The following EPB41L2 variants were observed in gnomAD, a reference collection of about 807,000 sequenced individuals.
EPB41L2 encodes erythrocyte membrane protein band 4.1 like 2.
Under a neutral mutation model 113.0 loss-of-function variants are expected in EPB41L2, and 43 were observed. That is an observed-to-expected ratio of 0.38 (90% CI 0.30 to 0.49). The LOEUF is 0.49. Ranked by LOEUF, EPB41L2 falls within the 20% of genes least tolerant of loss-of-function variation. The pLI is 0.95. For missense variants in EPB41L2, 1,147 were observed against 1,223.4 expected, an observed-to-expected ratio of 0.94 and a Z score of 0.93; for synonymous variants, 442 against 436.7, an observed-to-expected ratio of 1.01 and a Z score of -0.15.
chr6:131,055,614 C>T (rs1262873782), intron 1 of EPB41L2, among the ~76,000 whole-genome samples: 1 of 152,126 alleles, frequency 6.6e-6, no homozygotes, highest in Non-Finnish European at 1.5e-5. Context: ...GTAATAACAT[C>T]GAACAATTAA....
chr6:131,036,646 T>G (rs1793374366), intron 1 of EPB41L2, among the ~76,000 whole-genome samples: 1 of 152,170 alleles, frequency 6.6e-6, no homozygotes, highest in African/African-American at 2.4e-5. Context: ...TCTCAATTCC[T>G]TCATAAAATA....
intron 4 of EPB41L2, among the ~76,000 whole-genome samples, chr6:130,925,482 C>A (rs1198761565): frequency 6.6e-6 from 1 of 152,146 alleles, no homozygotes; most frequent in Non-Finnish European, 1.5e-5. Context: ...AACCACCACG[C>A]TTAGCCCAGA....
chr6:130,939,257 CT>C (rs879441496), intron 3 of EPB41L2, among the ~76,000 whole-genome samples: 198 of 145,568 alleles, frequency 1.4e-3, no homozygotes, highest in Middle Eastern at 7.1e-3. Flanking sequence ...ACCCAAATAA[CT>C]TTTTTTTTTT....
intron 17 of EPB41L2, 82 bp downstream of exon 17, chr6:130,865,454 G>A (rs1223430944): frequency 1.0e-5 from 14 of 1,370,062 alleles, no homozygotes; most frequent in Non-Finnish European, 1.4e-5. Flanking sequence ...TTGGAAGTGT[G>A]TACAGGAAGA....
At chr6:130,998,042 T>C (rs1398647915) in intron 1 of EPB41L2, among the ~76,000 whole-genome samples, 16 of 152,204 alleles carry the variant, frequency 1.1e-4, no homozygotes, top group Admixed American at 1.0e-3. Flanking sequence ...GCAATAACAG[T>C]ATTATGATAA....
At chr6:131,039,041 T>A (rs1253263941) in intron 1 of EPB41L2, among the ~76,000 whole-genome samples, 1 of 152,168 alleles carries the variant, frequency 6.6e-6, no homozygotes, top group African/African-American at 2.4e-5. Context: ...AAGTATTATG[T>A]TATTCCATTA....
intron 1 of EPB41L2, among the ~76,000 whole-genome samples, chr6:131,060,307 GT>G: frequency 6.6e-6 from 1 of 152,352 alleles, no homozygotes; most frequent in East Asian, 1.9e-4. Flanking sequence ...ACCAGCCACA[GT>G]AATATGAGAG....
intron 1 of EPB41L2, among the ~76,000 whole-genome samples, chr6:131,006,871 C>T (rs1785689218): frequency 6.6e-6 from 1 of 152,042 alleles, no homozygotes; most frequent in Admixed American, 6.5e-5. Flanking sequence ...AATTCTCTAA[C>T]CCTGAGGATC....
chr6:131,040,914 C>A (rs1794333433), intron 1 of EPB41L2, among the ~76,000 whole-genome samples: 1 of 152,144 alleles, frequency 6.6e-6, no homozygotes, highest in Non-Finnish European at 1.5e-5. Flanking sequence ...ATTAAGCCAA[C>A]CAAGAAAAAC....
intron 1 of EPB41L2, among the ~76,000 whole-genome samples, chr6:131,061,132 T>C (rs1249175460): frequency 6.6e-6 from 1 of 152,188 alleles, no homozygotes; most frequent in Non-Finnish European, 1.5e-5. Flanking sequence ...TAAAGAACTG[T>C]TATGACTAAG....
At chr6:130,964,442 A>G (rs1489877371) in intron 1 of EPB41L2, among the ~76,000 whole-genome samples, 1 of 152,132 alleles carries the variant, frequency 6.6e-6, no homozygotes, top group Non-Finnish European at 1.5e-5. Flanking sequence ...TTAGCCATGT[A>G]ACCGCAGACA....
chr6:131,046,808 G>A (rs1795552700), intron 1 of EPB41L2, among the ~76,000 whole-genome samples: 1 of 152,162 alleles, frequency 6.6e-6, no homozygotes, highest in Non-Finnish European at 1.5e-5. Flanking sequence ...AGGAACATGA[G>A]TAGAATCTCA....
At chr6:130,903,598 A>G (rs1796893151) in intron 6 of EPB41L2, among the ~76,000 whole-genome samples, 1 of 152,132 alleles carries the variant, frequency 6.6e-6, no homozygotes, top group Non-Finnish European at 1.5e-5. Flanking sequence ...CTAGTTTTCT[A>G]AAAGTCATGC....
chr6:130,963,597 A>G (rs1173216222), intron 1 of EPB41L2, among the ~76,000 whole-genome samples: 2 of 152,192 alleles, frequency 1.3e-5, no homozygotes, highest in East Asian at 3.9e-4. Flanking sequence ...TCAAGGTAAC[A>G]ATCTTCTTTG....
At chr6:131,053,640 G>A (rs373402372) in intron 1 of EPB41L2, among the ~76,000 whole-genome samples, 9 of 152,236 alleles carry the variant, frequency 5.9e-5, no homozygotes, top group South Asian at 2.1e-4. Flanking sequence ...ACAGGCTTCA[G>A]ATGTACCTAA....
At chr6:130,867,991 C>A (rs961958181) in intron 15 of EPB41L2, 1 of 178,842 alleles carries the variant, frequency 5.6e-6, no homozygotes, top group African/African-American at 2.4e-5. Context: ...CTCTCTCTCT[C>A]TCTCTCTCCT....
chr6:130,972,937 C>CAAAAAA (rs57293132), intron 1 of EPB41L2, among the ~76,000 whole-genome samples: 4 of 59,514 alleles, frequency 6.7e-5, no homozygotes, highest in East Asian at 5.9e-4. Context: ...ACTAAAGATA[C>CAAAAAA]AAAAAAAAAA....
chr6:130,850,389 A>T lies in EPB41L2; in HGVS notation c.*5+7742T>A, dbSNP rs74797998. Among the ~76,000 whole-genome samples, 3,465 of 152,286 alleles carry T rather than the reference A, an allele frequency of 0.023. 223 individuals carry two copies. In the East Asian group the frequency reaches 0.26, roughly 12 times the overall value. ...TAATAATTGTGAAAACTGAGGGGTA[A>T]TTTAAATGCCCATTAATAGGGGTTA... On this transcript the variant is annotated intron_variant, in intron 19 of 19. Coordinates refer to ENST00000337057, the MANE Select transcript of EPB41L2 (RefSeq NM_001431.4).
chr6:130,885,075 T>C lies in EPB41L2; in HGVS notation c.1833+21A>G, dbSNP rs780966141. 43 of 1,613,436 alleles carry C rather than the reference T, an allele frequency of 2.7e-5. No individual in the cohort carries two copies. The Admixed American group carries it at 4.7e-4, about 18-fold the overall frequency. On this transcript the variant is annotated intron_variant, in intron 12 of 19. Coordinates refer to ENST00000337057, the MANE Select transcript of EPB41L2 (RefSeq NM_001431.4). ...GGTTAAGTAAATGTTTAAAACCACA[T>C]ACTGTGCTAATTTACCATACCTTTC...
Sources: gnomAD v4.1 joint callset for allele counts (sites outside exome capture counted in the v4.1 genomes callset) on GRCh38, gnomAD v4.1.1 for gene constraint, MANE v1.5 for transcripts, NCBI Gene and HGNC (gene_info 2026-07-23, HGNC 2026-07-21) for gene names.